ENTREP2: variants seen among roughly 807,000 people sequenced by gnomAD.
ENTREP2 encodes endosomal transmembrane epsin interactor 2, also known as protein ENTREP2.
the ENTREP2 span, among the ~76,000 whole-genome samples, chr15:29,379,358 C>T: frequency 6.6e-6 from 1 of 152,194 alleles, no homozygotes; most frequent in African/African-American, 2.4e-5. Context: ...AACTGAGCCA[C>T]TGATAGTCAG....
At chr15:29,567,262 G>A in the ENTREP2 span, among the ~76,000 whole-genome samples, 352 of 152,270 alleles carry the variant, frequency 2.3e-3, 3 homozygotes, top group Middle Eastern at 0.01. Flanking sequence ...CAACCTTGCC[G>A]AGTCCTCCCC....
At chr15:29,304,967 G>A in the ENTREP2 span, among the ~76,000 whole-genome samples, 16 of 152,098 alleles carry the variant, frequency 1.1e-4, no homozygotes, top group African/African-American at 3.9e-4. Context: ...GATAGTTTCT[G>A]CCCCCATCAC....
chr15:29,301,404 A>C, the ENTREP2 span, among the ~76,000 whole-genome samples: 5 of 152,238 alleles, frequency 3.3e-5, no homozygotes, highest in African/African-American at 1.2e-4. Flanking sequence ...TAGAGTTTTC[A>C]GTAACAAAAA....
chr15:29,198,806 C>G, the ENTREP2 span, among the ~76,000 whole-genome samples: 1 of 152,318 alleles, frequency 6.6e-6, no homozygotes. Flanking sequence ...ATACATTTAC[C>G]ACTATAGTTT....
At chr15:29,656,208 A>G in the ENTREP2 span, among the ~76,000 whole-genome samples, 1 of 151,742 alleles carries the variant, frequency 6.6e-6, no homozygotes. Flanking sequence ...CTGTGCTATC[A>G]ATATAAGAAA....
the ENTREP2 span, among the ~76,000 whole-genome samples, chr15:29,638,233 C>T: frequency 1.3e-5 from 2 of 152,228 alleles, no homozygotes; most frequent in Non-Finnish European, 2.9e-5. Context: ...TGCTGCAGGG[C>T]CAGCTCTTCC....
At chr15:29,447,074 T>C in the ENTREP2 span, among the ~76,000 whole-genome samples, 1 of 152,180 alleles carries the variant, frequency 6.6e-6, no homozygotes, top group South Asian at 2.1e-4. Context: ...GACATCTTTG[T>C]GGAGGGGGGT....
the ENTREP2 span, among the ~76,000 whole-genome samples, chr15:29,568,640 G>C: frequency 6.6e-6 from 1 of 150,742 alleles, no homozygotes; most frequent in African/African-American, 2.5e-5. Flanking sequence ...GCAGTTCCAG[G>C]CTGCCGTGAG....
At chr15:29,570,296 G>T in the ENTREP2 span, among the ~76,000 whole-genome samples, 2 of 151,876 alleles carry the variant, frequency 1.3e-5, no homozygotes, top group South Asian at 4.1e-4. Flanking sequence ...CGCAATAGGA[G>T]CGGGAACGCG....
chr15:29,123,572 G>A, the ENTREP2 span: 86 of 1,551,624 alleles, frequency 5.5e-5, no homozygotes, highest in Non-Finnish European at 7.0e-5. Context: ...GGTGTTGGCC[G>A]TTGGTCAGTT....
At chr15:29,123,549 T>C in the ENTREP2 span, 6 of 1,551,688 alleles carry the variant, frequency 3.9e-6, no homozygotes, top group Non-Finnish European at 5.2e-6. Context: ...TGGAGGTCGC[T>C]GGGAAGGGCT....
At chr15:29,165,474 TC>T in the ENTREP2 span, among the ~76,000 whole-genome samples, 1 of 151,960 alleles carries the variant, frequency 6.6e-6, no homozygotes, top group Non-Finnish European at 1.5e-5. Context: ...CCAAATAACC[TC>T]ATTAAGAAAT....
At chr15:29,541,218 T>C in the ENTREP2 span, among the ~76,000 whole-genome samples, 3 of 152,318 alleles carry the variant, frequency 2.0e-5, no homozygotes, top group Admixed American at 1.3e-4. Flanking sequence ...CAGACCCACC[T>C]TGGAGGACCC....
the ENTREP2 span, among the ~76,000 whole-genome samples, chr15:29,309,498 G>A: frequency 0.13 from 19,233 of 152,054 alleles, 1,637 homozygotes; most frequent in African/African-American, 0.24. Context: ...GTGCTCAGTG[G>A]GCCAAGCACG....
chr15:29,294,201 A>G, the ENTREP2 span, among the ~76,000 whole-genome samples: 1 of 152,330 alleles, frequency 6.6e-6, no homozygotes, highest in Non-Finnish European at 1.5e-5. Context: ...ATGAGGAAAC[A>G]GGGAGGGGAA....
At chr15:29,344,479 G>C in the ENTREP2 span, among the ~76,000 whole-genome samples, 1 of 151,898 alleles carries the variant, frequency 6.6e-6, no homozygotes, top group Non-Finnish European at 1.5e-5. Flanking sequence ...TCAGAAGAAG[G>C]GGCTTTATAG....
chr15:29,587,190 T>TGTGTGTGTGTGTGTGTGTGTG, the ENTREP2 span, among the ~76,000 whole-genome samples: 1 of 142,846 alleles, frequency 7.0e-6, no homozygotes, highest in Non-Finnish European at 1.5e-5. Context: ...TGTGTGTGTG[T>TGTGTGTGTGTGTGTGTGTGTG]TTCGTAGCTC....
chr15:29,406,122 G>A, the ENTREP2 span, among the ~76,000 whole-genome samples: 1 of 152,092 alleles, frequency 6.6e-6, no homozygotes, highest in African/African-American at 2.4e-5. Context: ...TGATCATGAT[G>A]GCACACCCTG....
the ENTREP2 span, among the ~76,000 whole-genome samples, chr15:29,399,906 G>A: frequency 1.3e-5 from 2 of 152,170 alleles, no homozygotes; most frequent in African/African-American, 2.4e-5. Flanking sequence ...TTGTTGAGTA[G>A]GCTCAGGAGG....
Sources: gnomAD v4.1 joint callset for allele counts (sites outside exome capture counted in the v4.1 genomes callset) on GRCh38, gnomAD v4.1.1 for gene constraint, MANE v1.5 for transcripts, NCBI Gene and HGNC (gene_info 2026-07-23, HGNC 2026-07-21) for gene names.